The following MEGF11 variants were observed in gnomAD, a reference collection of about 807,000 sequenced individuals.
MEGF11 encodes multiple EGF like domains 11.
A neutral mutation model predicts 146.6 loss-of-function variants in MEGF11; 126 were observed. The observed-to-expected ratio is 0.86, with a 90% CI of 0.74 to 1.00. MEGF11 has a LOEUF of 1.00. MEGF11 is among the 50% of genes least tolerant of loss of function. The pLI is 0.00. For missense variants in MEGF11, 1,509 were observed against 1,521.2 expected (o/e 0.99, Z 0.13); for synonymous variants, 532 against 583.4 (o/e 0.91, Z 1.27).
chr15:65,955,739 T>TAAAAAAAAAAAA (rs1189666912), intron 10 of MEGF11, among the ~76,000 whole-genome samples: 1 of 9,736 alleles, frequency 1.0e-4, no homozygotes, highest in African/African-American at 6.1e-4. Context: ...GTGAGACTCT[T>TAAAAAAAAAAAA]AAAAAAAAAA....
intron 3 of MEGF11, among the ~76,000 whole-genome samples, chr15:66,123,194 A>G (rs1225474353): frequency 6.6e-6 from 1 of 152,220 alleles, no homozygotes; most frequent in East Asian, 1.9e-4. Context: ...CCTGAGTGAC[A>G]TGATAACATA....
chr15:66,042,466 A>C (rs1366703069), intron 5 of MEGF11, among the ~76,000 whole-genome samples: 1 of 152,196 alleles, frequency 6.6e-6, no homozygotes, highest in East Asian at 1.9e-4. Context: ...GGAGGCCAAG[A>C]AAGGTTCAGA....
chr15:66,251,740 C>G (rs1332888274), intron 1 of MEGF11, among the ~76,000 whole-genome samples: 2 of 152,248 alleles, frequency 1.3e-5, no homozygotes, highest in African/African-American at 4.8e-5. Context: ...TTTATCTACT[C>G]TTCCTCCCGT....
At chr15:66,190,687 T>C (rs1376623605) in intron 1 of MEGF11, among the ~76,000 whole-genome samples, 2 of 151,960 alleles carry the variant, frequency 1.3e-5, no homozygotes, top group Non-Finnish European at 2.9e-5. Flanking sequence ...TTCACCCCAC[T>C]GAATCTCGGG....
chr15:66,219,718 AC>A (rs1020677377), intron 1 of MEGF11, among the ~76,000 whole-genome samples: 3 of 151,474 alleles, frequency 2.0e-5, no homozygotes, highest in African/African-American at 7.3e-5. Context: ...ACAAAAAAAA[AC>A]GTATCTACCA....
chr15:65,903,181 A>T (rs1031069077), intron 24 of MEGF11, among the ~76,000 whole-genome samples: 2 of 152,220 alleles, frequency 1.3e-5, no homozygotes, highest in African/African-American at 4.8e-5. Flanking sequence ...TAAGAGCCCA[A>T]GTTTACGCAA....
At position 66,218,264 on chromosome 15, in the gene MEGF11, C is replaced by T. The variant is rs141394160; in HGVS notation, c.-9+35341G>A. Among the ~76,000 whole-genome samples, 805 of 152,254 alleles carry T rather than the reference C, an allele frequency of 5.3e-3. 9 individuals are homozygous for T. The highest frequency in any genetic ancestry group is 0.019 in the African/African-American group (769 of 41,524). On this transcript the variant is annotated intron_variant, in intron 1 of 25. Transcript: ENST00000395614. ...AAAATGAAAGCTAACTGATGAGTTG[C>T]CATTTTAAGACACTTGGTTGAATTA...
chr15:66,221,702 G>T (rs1387273415), intron 1 of MEGF11, among the ~76,000 whole-genome samples: 1 of 151,982 alleles, frequency 6.6e-6, no homozygotes, highest in Non-Finnish European at 1.5e-5. Context: ...AACTTGATGG[G>T]ATTTAACATT....
chr15:66,150,395 T>C (rs1208770217), intron 1 of MEGF11, among the ~76,000 whole-genome samples: 1 of 152,216 alleles, frequency 6.6e-6, no homozygotes, highest in African/African-American at 2.4e-5. Context: ...TGACATGTAA[T>C]ATTAATTACC....
At chr15:65,918,812 T>C (rs2079083828) in intron 15 of MEGF11, among the ~76,000 whole-genome samples, 1 of 152,228 alleles carries the variant, frequency 6.6e-6, no homozygotes, top group Non-Finnish European at 1.5e-5. Context: ...GCTGCAAAGC[T>C]CTTTTAGGAC....
intron 5 of MEGF11, among the ~76,000 whole-genome samples, chr15:65,994,005 AG>A (rs1453946780): frequency 4.6e-5 from 7 of 152,108 alleles, no homozygotes; most frequent in Admixed American, 2.0e-4. Flanking sequence ...CTCTGCCTGG[AG>A]CGGGGTTGGG....
At chr15:66,115,943 T>A (rs1041271161) in intron 4 of MEGF11, among the ~76,000 whole-genome samples, 1 of 152,138 alleles carries the variant, frequency 6.6e-6, no homozygotes, top group African/African-American at 2.4e-5. Flanking sequence ...CCCAGAACTG[T>A]GAGACGATAA....
chr15:65,899,587 A>G (rs2078442332), intron 24 of MEGF11, among the ~76,000 whole-genome samples: 1 of 152,202 alleles, frequency 6.6e-6, no homozygotes, highest in Non-Finnish European at 1.5e-5. Context: ...CAGCAATTTG[A>G]CAGCCTATAA....
At chr15:66,204,561 G>A (rs558643214) in intron 1 of MEGF11, among the ~76,000 whole-genome samples, 3 of 152,242 alleles carry the variant, frequency 2.0e-5, no homozygotes, top group Admixed American at 1.3e-4. Context: ...GTACAGGCCC[G>A]CCTACCTGCC....
chr15:66,027,856 C>A (rs2083389170), intron 5 of MEGF11, among the ~76,000 whole-genome samples: 3 of 152,198 alleles, frequency 2.0e-5, no homozygotes, highest in African/African-American at 7.2e-5. Context: ...AGCTCTGCAC[C>A]TTAAGCTGTG....
chr15:66,036,865 C>T (rs996040739), intron 5 of MEGF11, among the ~76,000 whole-genome samples: 26 of 152,264 alleles, frequency 1.7e-4, no homozygotes, highest in African/African-American at 4.6e-4. Flanking sequence ...GGATAACAAG[C>T]GTCTATCAAC....
intron 1 of MEGF11, among the ~76,000 whole-genome samples, chr15:66,148,725 C>A (rs1395991968): frequency 6.6e-6 from 1 of 152,174 alleles, no homozygotes; most frequent in African/African-American, 2.4e-5. Context: ...TGTTGACAAG[C>A]ACAGGGTTGA....
intron 4 of MEGF11, among the ~76,000 whole-genome samples, chr15:66,106,200 G>A (rs564665208): frequency 1.8e-4 from 28 of 152,348 alleles, no homozygotes; most frequent in African/African-American, 6.5e-4. Context: ...TGATGGGGAA[G>A]GTGACTCTCA....
chr15:66,143,701 T>G (rs1359382189), intron 1 of MEGF11, among the ~76,000 whole-genome samples: 1 of 152,150 alleles, frequency 6.6e-6, no homozygotes, highest in East Asian at 1.9e-4. Flanking sequence ...CCTATTCTAT[T>G]CTCTCTACCT....
Sources: gnomAD v4.1 joint callset for allele counts (sites outside exome capture counted in the v4.1 genomes callset) on GRCh38, gnomAD v4.1.1 for gene constraint, MANE v1.5 for transcripts, NCBI Gene and HGNC (gene_info 2026-07-23, HGNC 2026-07-21) for gene names.